AGBL1: variants seen among roughly 807,000 people sequenced by gnomAD.
AGBL1 encodes cytosolic carboxypeptidase 4.
A neutral mutation model predicts 118.9 loss-of-function variants in AGBL1; 130 were observed. The observed-to-expected ratio is 1.09, with a 90% confidence interval of 0.95 to 1.26. The LOEUF (loss-of-function observed/expected upper bound fraction) is 1.26. Ranked by LOEUF, AGBL1 falls within the 50% of genes most tolerant of loss-of-function variation. The pLI, the probability that AGBL1 is intolerant of heterozygous loss-of-function variation, is 0.00. For missense variants in AGBL1, 1,584 were observed against 1,298.1 expected (o/e 1.22, Z -3.38); for synonymous variants, 555 against 478.9 (o/e 1.16, Z -2.08).
chr15:86,643,505 T>G (rs1343117607), intron 21 of AGBL1, among the ~76,000 whole-genome samples: 1 of 152,134 alleles, frequency 6.6e-6, no homozygotes, highest in African/African-American at 2.4e-5. Flanking sequence ...GAAAGAAATT[T>G]TACGTATATT....
In AGBL1 at chr15:86,807,632, C is replaced by T. The variant is rs572975335; in HGVS notation, c.3159-99455C>T. Among the ~76,000 whole-genome samples the T allele has an allele frequency of 1.3e-3, 192 of 152,102 alleles. 1 individual carries two copies. Among genetic ancestry groups the T allele is most frequent in the African/African-American group, 4.4e-3 (184 of 41,502 alleles). Reference sequence around the variant, plus strand: ...TGGGTGTTGTGGAAAGTGTGTTGACCTTGGAGCCATGAAAAGTAGGGTGAC... The same window carrying T: ...TGGGTGTTGTGGAAAGTGTGTTGACTTTGGAGCCATGAAAAGTAGGGTGAC... On this transcript the variant is annotated intron_variant, in intron 22 of 22. Transcript: ENST00000614907.
At chr15:86,320,917 T>C (rs535543895) in intron 17 of AGBL1, among the ~76,000 whole-genome samples, 1 of 152,198 alleles carries the variant, frequency 6.6e-6, no homozygotes, top group Non-Finnish European at 1.5e-5. Flanking sequence ...GATTTTATAG[T>C]GTTAAACTGT....
chr15:86,850,850 G>C (rs180906633), intron 22 of AGBL1, among the ~76,000 whole-genome samples: 1 of 152,066 alleles, frequency 6.6e-6, no homozygotes, highest in African/African-American at 2.4e-5. Flanking sequence ...TGAAAAGATA[G>C]TTTCCTTCTG....
At chr15:86,750,995 A>T (rs2141253360) in intron 22 of AGBL1, among the ~76,000 whole-genome samples, 1 of 152,234 alleles carries the variant, frequency 6.6e-6, no homozygotes, top group Non-Finnish European at 1.5e-5. Context: ...GCTGCATAGC[A>T]TTCCATGGTG....
At chr15:86,082,575 T>A (rs2141434673) in intron 1 of AGBL1, among the ~76,000 whole-genome samples, 1 of 152,348 alleles carries the variant, frequency 6.6e-6, no homozygotes, top group East Asian at 1.9e-4. Context: ...GTGGATGTCC[T>A]CCTACTTAAG....
At position 86,712,727 on chromosome 15, in the gene AGBL1, CACA is replaced by C. The variant is rs993404472; in HGVS notation, c.3158+38296_3158+38298del. Among the ~76,000 whole-genome samples the C allele has an allele frequency of 9.9e-5, 15 of 152,268 alleles. No homozygotes were observed. The East Asian group carries it at 1.7e-3, about 18-fold the overall frequency. On this transcript the variant is annotated intron_variant, in intron 22 of 22. Transcript: ENST00000614907. The stretch of plus-strand genomic sequence containing the variant: ...GCCTTTTGTAAGGTGCTGATTGGAA[CACA>C]ACAAGGCATCTGGTCCAATTCCGGA...
intron 6 of AGBL1, among the ~76,000 whole-genome samples, chr15:86,232,756 G>A (rs1398227004): frequency 6.6e-6 from 1 of 152,124 alleles, no homozygotes; most frequent in African/African-American, 2.4e-5. Context: ...TTGATAACCT[G>A]TTATCTTCCT....
intron 21 of AGBL1, among the ~76,000 whole-genome samples, chr15:86,667,372 A>C (rs1282186240): frequency 6.6e-6 from 1 of 151,976 alleles, no homozygotes; most frequent in Non-Finnish European, 1.5e-5. Flanking sequence ...ATAAATTATG[A>C]AACTTTTTCT....
intron 18 of AGBL1, among the ~76,000 whole-genome samples, chr15:86,467,907 A>T (rs190333849): frequency 6.6e-6 from 1 of 152,256 alleles, no homozygotes; most frequent in Admixed American, 6.5e-5. Context: ...GGAGCTGCAG[A>T]CTGGAGCTGT....
chr15:86,665,541 G>A (rs1351843483), intron 21 of AGBL1, among the ~76,000 whole-genome samples: 3 of 151,948 alleles, frequency 2.0e-5, no homozygotes, highest in Admixed American at 2.0e-4. Flanking sequence ...TTGGAATTAT[G>A]TTTATTTTGT....
chr15:86,405,566 G>T (rs560699999), intron 18 of AGBL1, among the ~76,000 whole-genome samples: 18 of 152,202 alleles, frequency 1.2e-4, no homozygotes, highest in Middle Eastern at 3.4e-3. Flanking sequence ...CCTAAGATTG[G>T]TTAAGGGGAA....
At chr15:86,783,934 A>G (rs1408243327) in intron 22 of AGBL1, among the ~76,000 whole-genome samples, 1 of 152,090 alleles carries the variant, frequency 6.6e-6, no homozygotes, top group African/African-American at 2.4e-5. Context: ...CCTTGCCCCC[A>G]CTTTTCTTAA....
chr15:86,459,151 A>G (rs183846247), intron 18 of AGBL1, among the ~76,000 whole-genome samples: 1 of 152,308 alleles, frequency 6.6e-6, no homozygotes, highest in East Asian at 1.9e-4. Context: ...TGCAGTAATC[A>G]CGTGAGTGTA....
chr15:86,478,402 A>G (rs947964608), intron 18 of AGBL1, among the ~76,000 whole-genome samples: 5 of 152,226 alleles, frequency 3.3e-5, no homozygotes, highest in Non-Finnish European at 5.9e-5. Flanking sequence ...TACAAAATCA[A>G]TGTGCAAAAA....
chr15:86,731,251 A>G (rs1596415535), intron 22 of AGBL1, among the ~76,000 whole-genome samples: 1 of 152,308 alleles, frequency 6.6e-6, no homozygotes, highest in East Asian at 1.9e-4. Context: ...TGTTTTTTAC[A>G]TTGACCATCC....
At chr15:86,304,668 C>T (rs1175152487) in intron 17 of AGBL1, among the ~76,000 whole-genome samples, 2 of 152,322 alleles carry the variant, frequency 1.3e-5, no homozygotes, top group East Asian at 1.9e-4. Flanking sequence ...AAAGTTACCT[C>T]TTACCCGGTT....
At chr15:86,846,954 G>C (rs996318967) in intron 22 of AGBL1, among the ~76,000 whole-genome samples, 1 of 151,882 alleles carries the variant, frequency 6.6e-6, no homozygotes, top group Non-Finnish European at 1.5e-5. Flanking sequence ...TTTTTTATCT[G>C]TTATTACTTT....
intron 23 of AGBL1, among the ~76,000 whole-genome samples, chr15:86,932,727 C>G (rs1222432333): frequency 6.6e-6 from 1 of 152,112 alleles, no homozygotes; most frequent in Non-Finnish European, 1.5e-5. Flanking sequence ...TCACTGCTTA[C>G]CATATAATGG....
intron 23 of AGBL1, among the ~76,000 whole-genome samples, chr15:86,976,728 A>ATTT (rs372958085): frequency 7.3e-5 from 11 of 151,538 alleles, no homozygotes; most frequent in Non-Finnish European, 3.0e-5. Context: ...AAATTTGTAG[A>ATTT]TTTTTTTTTA....
Sources: gnomAD v4.1 joint callset for allele counts (sites outside exome capture counted in the v4.1 genomes callset) on GRCh38, gnomAD v4.1.1 for gene constraint, MANE v1.5 for transcripts, NCBI Gene and HGNC (gene_info 2026-07-23, HGNC 2026-07-21) for gene names.